The following NFATC4 variants were observed in gnomAD, a reference collection of about 807,000 sequenced individuals.
The protein encoded by NFATC4 is nuclear factor of activated T-cells, cytoplasmic 4.
Under a neutral mutation model 73.4 loss-of-function variants are expected in NFATC4, and 25 were observed. The observed-to-expected ratio is 0.34, with a 90% CI of 0.25 to 0.48. The LOEUF is 0.48. NFATC4 is among the 20% of genes least tolerant of loss of function. NFATC4 has a pLI of 0.99. For missense variants in NFATC4, 1,130 were observed against 1,203.7 expected, an observed-to-expected ratio of 0.94 and a Z score of 0.91; for synonymous variants, 523 against 510.3, an observed-to-expected ratio of 1.02 and a Z score of -0.34.
At chr14:24,375,100 C>G (rs1384189564) in intron 6 of NFATC4, among the ~76,000 whole-genome samples, 3 of 152,100 alleles carry the variant, frequency 2.0e-5, no homozygotes, top group African/African-American at 7.2e-5. Context: ...AGGTTCTCCC[C>G]ATGTTGCCCA....
At chr14:24,368,702 G>A (rs918928088) in intron 1 of NFATC4, among the ~76,000 whole-genome samples, 2 of 151,662 alleles carry the variant, frequency 1.3e-5, no homozygotes, top group Non-Finnish European at 2.9e-5. Context: ...TCACTGAACT[G>A]GGGGGCGGGC....
At chr14:24,369,044 T>A in intron 1 of NFATC4, 3 of 1,266,558 alleles carry the variant, frequency 2.4e-6, no homozygotes, top group Non-Finnish European at 2.0e-6. Context: ...CCACCTCCCC[T>A]CGTCACCACA....
chr14:24,367,811 G>GC (rs2042346353), upstream of NFATC4, among the ~76,000 whole-genome samples: 1 of 152,200 alleles, frequency 6.6e-6, no homozygotes, highest in Non-Finnish European at 1.5e-5. Context: ...TTAAAAAAGG[G>GC]TCTTCCGTGG....
intron 5 of NFATC4, 54 bp from the exon 6 acceptor site, chr14:24,374,272 G>A: frequency 6.4e-7 from 1 of 1,563,192 alleles, no homozygotes; most frequent in East Asian, 2.3e-5. Context: ...GGACAGAGGA[G>A]GCCACCCCTC....
Position 24,370,433 on chromosome 14 carries a change from G to C in NFATC4, c.1035G>C (p.Glu345Asp), listed in dbSNP as rs200197248. ...AGGCAGTGGCTCTGCCTCGGTCTGA[G>C]GAGCCTGCCTCATGCAATGGGAAGC... ...SEQAVALPRS[E>D]EPASCNGKLP... is the part of the protein sequence containing the mutation. The change falls in exon 2 of 10, where the codon GAG (glutamate) becomes GAC (aspartate). Residue 345 changes from glutamate (E) to aspartate (D), a missense_variant. By Grantham distance (45) the Glu-to-Asp change is conservative. This residue lies in a region of NFATC4 where 585 missense variants were observed against 574.3 expected (regional missense o/e 1.02). Transcript: ENST00000250373. The C allele has an allele frequency of 1.9e-4, 308 of 1,614,134 alleles. 1 individual carries two copies. The highest frequency in any genetic ancestry group is 4.5e-5 in the East Asian group (2 of 44,884).
intron 2 of NFATC4, 29 bp from the exon 3 acceptor site, chr14:24,372,412 C>T: frequency 6.2e-7 from 1 of 1,607,092 alleles, no homozygotes; most frequent in Non-Finnish European, 8.5e-7. Flanking sequence ...TGAGGCTGCA[C>T]ATGATCAATG....
chr14:24,374,162 A>G (rs1363369891), intron 5 of NFATC4, 164 bp from the exon 6 acceptor site: 3 of 997,282 alleles, frequency 3.0e-6, no homozygotes, highest in South Asian at 1.4e-5. Flanking sequence ...GGCCCCTTAC[A>G]TGGTGTATGT....
Position 24,369,700 on chromosome 14 carries a change from G to A in NFATC4, c.302G>A (p.Gly101Asp). ...GTGAGGCTGGGAGGACCAGGAGGGG[G>A]TGCTGGGGGTGCTGGGGGTGGCCGT... ...RSVRLGGPGG[G>D]AGGAGGGRVL... Residue 101 changes from glycine to aspartate, a missense_variant, in exon 2 of 10, where the codon GGT becomes GAT. Transcript: ENST00000250373. The A allele has an allele frequency of 6.2e-7, 1 of 1,609,568 alleles. No homozygotes were observed. The highest frequency in any genetic ancestry group is 8.5e-7 in the Non-Finnish European group (1 of 1,177,472).
chr14:24,376,142 G>A lies in NFATC4; in HGVS notation c.2056+41G>A. 4.3e-6 allele frequency: 7 copies of A among 1,613,134 alleles called. No individual in the cohort carries two copies. Among genetic ancestry groups the A allele is most frequent in the African/African-American group, 1.3e-5 (1 of 74,978 alleles). ...GCCCATGGTGGGGGTATAGGGATAT[G>A]GGGAGCTGGAGCAGGAGCAGAGGGA... On this transcript the variant is annotated intron_variant, in intron 8 of 9. Coordinates refer to ENST00000250373, the MANE Select transcript of NFATC4 (RefSeq NM_004554.5). The surrounding 1 kb of genome is among the most constrained non-coding windows in gnomAD (Gnocchi z 5.0).
At position 24,379,556 on chromosome 14, in the gene NFATC4, A is replaced by G. The variant is rs181785277; in HGVS notation, c.*1851A>G. ...CAGCCAATTTGTCCTGGAGGAATTC[A>G]TAGCCTCATGGGGCAAAAGTAAATA... On this transcript the variant is annotated 3_prime_UTR_variant, in exon 10 of 10. Transcript: ENST00000250373. The G allele has an allele frequency of 2.6e-5, 4 of 152,250 alleles. No individual in the cohort carries two copies. The highest frequency in any genetic ancestry group is 5.9e-5 in the Non-Finnish European group (4 of 68,044). The allele number at this position is 152,250 out of a possible 1,614,324, so 9.4% of individuals were successfully genotyped here.
At position 24,376,579 on chromosome 14, in the gene NFATC4, C is replaced by T. The variant is rs1391078776; in HGVS notation, c.2342C>T (p.Ser781Phe). ...GGTTGTGCCCAACCACCTGCAGTTT[C>T]CTTCCTTCCCCGCCCCTTCCCTAGT... ...TTGCAQPPAV[S>F]FLPRPFPSDP... Residue 781 changes from serine to phenylalanine, a missense_variant, in exon 9 of 10, where the codon TCC becomes TTC. Transcript: ENST00000250373. This position sits in a 1 kb window ranked among gnomAD's most constrained non-coding sequence, Gnocchi z 5.0. 6.2e-7 allele frequency: 1 copy of T among 1,613,878 alleles called. No homozygotes were observed. Among genetic ancestry groups the T allele is most frequent in the East Asian group, 2.2e-5 (1 of 44,892 alleles).
rs2042684016 is a variant in NFATC4 at position 24,378,349 on chromosome 14, G to A, written c.*644G>A. On this transcript the variant is annotated 3_prime_UTR_variant, in exon 10 of 10. Coordinates refer to ENST00000250373, the MANE Select transcript of NFATC4 (RefSeq NM_004554.5). ...GAGGCTGCATTTTTCCAGGTCCTTA[G>A]TCTTGCCACCACACAGATGATTCTG... is the stretch of plus-strand genomic sequence containing the variant. 6.5e-6 allele frequency: 1 copy of A among 154,528 alleles called. No homozygotes were observed. The highest frequency in any genetic ancestry group is 6.3e-5 in the Admixed American group (1 of 15,894). 9.6% of individuals were successfully genotyped at this position (154,528 alleles called of 1,614,324 possible).
chr14:24,367,098 G>A (rs761362329), upstream of NFATC4: 1 of 1,613,896 alleles, frequency 6.2e-7, no homozygotes. Context: ...AGCCTCGCCA[G>A]TATCTCCCAC....
At chr14:24,367,185 G>A, upstream of NFATC4, 1 of 1,613,934 alleles carries the variant, frequency 6.2e-7, no homozygotes, top group East Asian at 2.2e-5. Context: ...GGAAACTCCA[G>A]TCCAGGTCTT....
At position 24,372,618 on chromosome 14, in the gene NFATC4, G is replaced by T; in HGVS notation, c.1359+15G>T. The T allele has an allele frequency of 1.9e-6, 3 of 1,613,710 alleles. No homozygotes were observed. Among genetic ancestry groups the T allele is most frequent in the African/African-American group, 1.3e-5 (1 of 75,062 alleles). ...CCGTAGTCAAGGTAAAGGACAGACA[G>T]CAGGCCTGATATCCTCTCTCCTCTC... On this transcript the variant is annotated intron_variant, in intron 3 of 9. Coordinates refer to ENST00000250373, the MANE Select transcript of NFATC4 (RefSeq NM_004554.5).
rs1261975104 is a variant in NFATC4 at position 24,377,597 on chromosome 14, C to A, written c.2642-41C>A. The A allele has an allele frequency of 6.2e-7, 1 of 1,613,804 alleles. No homozygotes were observed. On this transcript the variant is annotated intron_variant, in intron 9 of 9. Coordinates refer to ENST00000250373, the MANE Select transcript of NFATC4 (RefSeq NM_004554.5). This position sits in a 1 kb window ranked among gnomAD's most constrained non-coding sequence, Gnocchi z 4.2. Reference sequence around the variant, plus strand: ...GGTGGGTCTTTGGAAAAGGAGGGGACCCACCTCTAGCCCAGTCTCTCAACT... The same window carrying A: ...GGTGGGTCTTTGGAAAAGGAGGGGAACCACCTCTAGCCCAGTCTCTCAACT...
At position 24,370,051 on chromosome 14, in the gene NFATC4, C is replaced by T. The variant is rs1236412015; in HGVS notation, c.653C>T (p.Pro218Leu). Residue 218 changes from proline to leucine, a missense_variant, in exon 2 of 10, where the codon CCC becomes CTC. Physicochemically the swap from Pro to Leu is moderately conservative, Grantham distance 98. Coordinates refer to ENST00000250373, the MANE Select transcript of NFATC4 (RefSeq NM_004554.5). The stretch of plus-strand genomic sequence containing the variant: ...GGCCTGGGCTCCCCGCTGCCCTCGC[C>T]CCGGGCCTCCCCTCGGCCATGGACC... ...RFGLGSPLPS[P>L]RASPRPWTPE... 1 of 1,608,750 alleles carries T rather than the reference C, an allele frequency of 6.2e-7. No individual in the cohort carries two copies. The highest frequency in any genetic ancestry group is 8.5e-7 in the Non-Finnish European group (1 of 1,179,874).
rs2042529020 is a variant in NFATC4 at position 24,373,502 on chromosome 14, C to G, written c.1559+132C>G. 6 of 1,366,370 alleles carry G rather than the reference C, an allele frequency of 4.4e-6. 1 individual carries two copies. The South Asian group carries it at 8.3e-5, about 19-fold the overall frequency. The allele number at this position is 1,366,370 out of a possible 1,614,324, so 84.6% of individuals were successfully genotyped here. ...TCCTAGGAGCTGGCTTCAGGCCTAC[C>G]CACCATCTGGAAGAGGACTTTTGGG... On this transcript the variant is annotated intron_variant, in intron 4 of 9. Coordinates refer to ENST00000250373, the MANE Select transcript of NFATC4 (RefSeq NM_004554.5). The surrounding 1 kb of genome is among the most constrained non-coding windows in gnomAD (Gnocchi z 4.7).
intron 5 of NFATC4, 39 bp from the exon 6 acceptor site, chr14:24,374,287 C>A (rs1413931949): frequency 1.3e-6 from 2 of 1,574,238 alleles, no homozygotes; most frequent in Admixed American, 3.6e-5. Context: ...CCCCTCCATG[C>A]CCAGCCCAGC....
Sources: gnomAD v4.1 joint callset for allele counts (sites outside exome capture counted in the v4.1 genomes callset) on GRCh38, gnomAD v4.1.1 for gene constraint, gnomAD v4.1.1 regional missense constraint, Gnocchi (gnomAD v3.1) non-coding constraint, MANE v1.5 for transcripts, NCBI Gene and HGNC (gene_info 2026-07-23, HGNC 2026-07-21) for gene names.